PRH1: variants seen among roughly 807,000 people sequenced by gnomAD.
The protein encoded by PRH1 is proline rich protein HaeIII subfamily 1.
PRH1 carries 7 observed loss-of-function variants against 7.9 expected under a neutral mutation model. The observed-to-expected ratio is 0.89, with a 90% CI of 0.50 to 1.67. The LOEUF is 1.67. Ranked by LOEUF, PRH1 falls within the 40% of genes most tolerant of loss-of-function variation. PRH1 has a pLI of 0.00. For missense variants in PRH1, 109 were observed against 223.6 expected, an observed-to-expected ratio of 0.49 and a Z score of 3.27; for synonymous variants, 45 against 80.8, an observed-to-expected ratio of 0.56 and a Z score of 2.38.
At chr12:11,070,541 C>A (rs1268166031) in intron 1 of PRH1, among the ~76,000 whole-genome samples, 1 of 152,216 alleles carries the variant, frequency 6.6e-6, no homozygotes, top group Non-Finnish European at 1.5e-5. Context: ...CAAGAGACTT[C>A]CAATAAAGTC....
intron 1 of PRH1, among the ~76,000 whole-genome samples, chr12:11,020,326 G>A (rs921388244): frequency 4.7e-5 from 7 of 148,046 alleles, no homozygotes; most frequent in Non-Finnish European, 8.9e-5. Flanking sequence ...CTCTTTTTAT[G>A]GTGATTACAT....
chr12:10,881,286 T>C (rs1229830022), intron 3 of PRH1, among the ~76,000 whole-genome samples: 4 of 152,218 alleles, frequency 2.6e-5, no homozygotes, highest in Admixed American at 2.0e-4. Flanking sequence ...GAAACAATTA[T>C]TGTTATGTGT....
intron 1 of PRH1, among the ~76,000 whole-genome samples, chr12:11,010,907 G>A (rs979550758): frequency 1.3e-5 from 2 of 151,358 alleles, no homozygotes; most frequent in South Asian, 4.2e-4. Flanking sequence ...TTTTCTTGAA[G>A]TTTCAAATAC....
chr12:11,168,173 T>C (rs1031185591), intron 1 of PRH1, among the ~76,000 whole-genome samples: 2 of 143,612 alleles, frequency 1.4e-5, no homozygotes, highest in Admixed American at 7.2e-5. Context: ...TCAAACTATA[T>C]GTACATATTA....
intron 2 of PRH1, 72 bp downstream of exon 2, chr12:10,882,989 G>T (rs1949431527): frequency 6.4e-7 from 1 of 1,551,260 alleles, no homozygotes; most frequent in Non-Finnish European, 8.9e-7. Flanking sequence ...GTGATAAGAA[G>T]ACACTGGAGA....
rs1187932843 is a variant in PRH1, at chr12:10,959,165, A to AT, written c.-59+14489dup. Among the ~76,000 whole-genome samples, 10 of 150,998 alleles carry AT rather than the reference A, an allele frequency of 6.6e-5. No homozygotes were observed. In the East Asian group the frequency reaches 1.9e-3, roughly 29 times the overall value. ...CTGAAAGAGAGAAAATATTGACTCCATTTTTTTTTAGTCTAAGCATCTGAA... is the reference window on the plus strand; with the variant it reads ...CTGAAAGAGAGAAAATATTGACTCCATTTTTTTTTTAGTCTAAGCATCTGAA... On this transcript the variant is annotated intron_variant, in intron 2 of 3. Transcript: ENST00000539853.
At chr12:11,164,389 A>G (rs1947510110) in intron 1 of PRH1, among the ~76,000 whole-genome samples, 2 of 152,120 alleles carry the variant, frequency 1.3e-5, no homozygotes, top group African/African-American at 2.4e-5. Flanking sequence ...TGGTTGTATC[A>G]TGGGACTTCT....
At chr12:11,165,097 T>C (rs1565721372) in intron 1 of PRH1, among the ~76,000 whole-genome samples, 2 of 152,214 alleles carry the variant, frequency 1.3e-5, no homozygotes, top group Admixed American at 6.5e-5. Flanking sequence ...TTTTTGTTGC[T>C]GAGTAGTATT....
intron 1 of PRH1, among the ~76,000 whole-genome samples, chr12:11,025,995 GT>G (rs1941892486): frequency 3.8e-5 from 1 of 25,990 alleles, no homozygotes; most frequent in Non-Finnish European, 1.5e-4. Context: ...ACTCGATACT[GT>G]TTTACTTGAT....
chr12:11,088,138 T>C (rs1944769579), intron 1 of PRH1, among the ~76,000 whole-genome samples: 1 of 129,542 alleles, frequency 7.7e-6, no homozygotes, highest in African/African-American at 2.7e-5. Flanking sequence ...CCCAGGAGTT[T>C]GAGACCAGCC....
intron 2 of PRH1, among the ~76,000 whole-genome samples, chr12:10,945,639 A>G (rs1950475003): frequency 6.6e-6 from 1 of 152,202 alleles, no homozygotes; most frequent in South Asian, 2.1e-4. Context: ...TCGGGCATGA[A>G]TTGTCATGGA....
Position 10,940,088 on chromosome 12 carries a change from G to A in PRH1, c.-59+33567C>T, listed in dbSNP as rs1338388440. On this transcript the variant is annotated intron_variant, in intron 2 of 3. Coordinates refer to the PRH1 transcript ENST00000539853. ...AGGGACTTATTCATAGTTATCCAAAGCTCCTCCTACAAAGTAGCAGAGTTT... is the reference window on the plus strand; with the variant it reads ...AGGGACTTATTCATAGTTATCCAAAACTCCTCCTACAAAGTAGCAGAGTTT... Among the ~76,000 whole-genome samples, 3 of 152,216 alleles carry A rather than the reference G, an allele frequency of 2.0e-5. No homozygotes were observed. The East Asian group carries it at 5.8e-4, about 29-fold the overall frequency.
chr12:11,076,161 T>G (rs796516019), intron 1 of PRH1, among the ~76,000 whole-genome samples: 977 of 27,796 alleles, frequency 0.035, 310 homozygotes, highest in Non-Finnish European at 0.085. Flanking sequence ...CACCAAGAAT[T>G]AACACAGTCA....
At chr12:10,923,774 T>A (rs1167947628) in intron 2 of PRH1, among the ~76,000 whole-genome samples, 1 of 152,218 alleles carries the variant, frequency 6.6e-6, no homozygotes, top group Non-Finnish European at 1.5e-5. Flanking sequence ...GCTTTAGGTA[T>A]GCCTCTTGAA....
intron 2 of PRH1, among the ~76,000 whole-genome samples, chr12:10,890,930 A>G (rs1272929708): frequency 6.6e-6 from 1 of 150,970 alleles, no homozygotes; most frequent in Non-Finnish European, 1.5e-5. Flanking sequence ...ATTGTCCTCC[A>G]TCCCTCAGCA....
At chr12:10,886,000 A>G (rs886625200), upstream of PRH1, among the ~76,000 whole-genome samples, 37 of 152,106 alleles carry the variant, frequency 2.4e-4, no homozygotes, top group African/African-American at 8.9e-4. Context: ...GCAGATTGGT[A>G]TTTTCCCTGG....
intron 1 of PRH1, chr12:11,030,641 A>G: frequency 6.2e-7 from 1 of 1,614,214 alleles, no homozygotes; most frequent in Non-Finnish European, 8.5e-7. Flanking sequence ...GAGGAAAAAG[A>G]TCACAGTTTG....
At position 11,035,638 on chromosome 12, in the gene PRH1, T is replaced by C. The variant is rs549449446; in HGVS notation, c.-126+11382A>G. Among the ~76,000 whole-genome samples, 701 of 152,292 alleles carry C rather than the reference T, an allele frequency of 4.6e-3. 3 individuals carry two copies. The highest frequency in any genetic ancestry group is 8.3e-3 in the Non-Finnish European group (567 of 68,012). Reference sequence around the variant, plus strand: ...ACCATATTTTTCTTTTTGTAATACTTTGGTCAAAGAAGAGAATAAAAGCAA... The same window carrying C: ...ACCATATTTTTCTTTTTGTAATACTCTGGTCAAAGAAGAGAATAAAAGCAA... On this transcript the variant is annotated intron_variant, in intron 1 of 3. Transcript: ENST00000539853.
intron 2 of PRH1, chr12:10,939,065 A>C (rs753912776): frequency 6.2e-7 from 1 of 1,614,040 alleles, no homozygotes; most frequent in East Asian, 2.2e-5. Context: ...CAAAGCAGTG[A>C]GGATCCGATC....
Sources: gnomAD v4.1 joint callset for allele counts (sites outside exome capture counted in the v4.1 genomes callset) on GRCh38, gnomAD v4.1.1 for gene constraint, MANE v1.5 for transcripts, NCBI Gene and HGNC (gene_info 2026-07-23, HGNC 2026-07-21) for gene names.